Variants in ZFP64 observed in about 807,000 individuals in gnomAD.
ZFP64 encodes zinc finger protein 64.
In ZFP64, 14 loss-of-function variants were observed where a neutral mutation model predicts 51.6. The ratio of observed to expected loss-of-function variants is 0.27; its 90% CI spans 0.18 to 0.42. The LOEUF (loss-of-function observed/expected upper bound fraction) is 0.42. ZFP64 is among the 10% of genes least tolerant of loss of function. The probability of loss-of-function intolerance (pLI) is 1.00; values close to 1 mark genes in which losing one functional copy is unlikely to be tolerated. For missense variants in ZFP64, 754 were observed against 906.8 expected (o/e 0.83, Z 2.16); for synonymous variants, 375 against 361.4 (o/e 1.04, Z -0.43).
At chr20:52,127,987 G>A (rs903621600) in intron 5 of ZFP64, among the ~76,000 whole-genome samples, 3 of 152,140 alleles carry the variant, frequency 2.0e-5, no homozygotes, top group Non-Finnish European at 4.4e-5. Flanking sequence ...TGGGTTCACT[G>A]TGGCTCTGTG....
chr20:52,148,762 A>G (rs555323701), downstream of ZFP64, among the ~76,000 whole-genome samples: 1 of 152,184 alleles, frequency 6.6e-6, no homozygotes, highest in Non-Finnish European at 1.5e-5. Context: ...AAAACAAATA[A>G]GCAAGCAGTA....
At chr20:52,180,974 T>G (rs1362819612) in intron 2 of ZFP64, among the ~76,000 whole-genome samples, 1 of 152,106 alleles carries the variant, frequency 6.6e-6, no homozygotes, top group Non-Finnish European at 1.5e-5. Context: ...TCGCCCAGGC[T>G]GGAATGCAAT....
chr20:52,184,467 TC>T (rs1473765945), intron 2 of ZFP64, among the ~76,000 whole-genome samples: 3 of 152,164 alleles, frequency 2.0e-5, no homozygotes, highest in African/African-American at 7.2e-5. Flanking sequence ...TCTAGAAACT[TC>T]CCTGGAATAT....
downstream of ZFP64, among the ~76,000 whole-genome samples, chr20:52,146,400 T>C (rs1457340757): frequency 1.6e-5 from 1 of 63,586 alleles, no homozygotes. Context: ...TATGCAGCCA[T>C]AAAAAATGAT....
intron 2 of ZFP64, among the ~76,000 whole-genome samples, chr20:52,174,063 A>G (rs1036385588): frequency 6.6e-6 from 1 of 152,210 alleles, no homozygotes; most frequent in Non-Finnish European, 1.5e-5. Context: ...TTAAGTGAGG[A>G]CAGACCCTTG....
intron 2 of ZFP64, chr20:52,175,819 T>G: frequency 1.1e-5 from 8 of 739,216 alleles, no homozygotes; most frequent in Non-Finnish European, 1.3e-5. Context: ...CCAGCCTGGG[T>G]GGCAGAGTGA....
intron 5 of ZFP64, among the ~76,000 whole-genome samples, chr20:52,102,906 G>A (rs954668070): frequency 2.0e-5 from 3 of 152,186 alleles, no homozygotes; most frequent in Non-Finnish European, 2.9e-5. Flanking sequence ...ATATACACAC[G>A]TAAGATTCTA....
chr20:52,105,883 A>C (rs560499463), intron 5 of ZFP64, among the ~76,000 whole-genome samples: 1 of 152,134 alleles, frequency 6.6e-6, no homozygotes, highest in South Asian at 2.1e-4. Flanking sequence ...CACCACCCCC[A>C]TCACACACAC....
intron 5 of ZFP64, among the ~76,000 whole-genome samples, chr20:52,158,930 C>A (rs1301441772): frequency 6.6e-6 from 1 of 152,178 alleles, no homozygotes; most frequent in African/African-American, 2.4e-5. Flanking sequence ...TGCACCTCTG[C>A]CATCCTCATG....
chr20:52,105,474 TC>T lies in ZFP64; in HGVS notation c.764-6888del, dbSNP rs919532905. 3 of 699,988 alleles carry T rather than the reference TC, an allele frequency of 4.3e-6. No individual in the cohort carries two copies. In the African/African-American group the frequency reaches 5.6e-5, roughly 13 times the overall value. The allele number at this position is 699,988 out of a possible 1,614,324, so 43.4% of individuals were successfully genotyped here. ...CGGGCAGCCCGCGCCACCTGGGAGC[TC>T]GTTAGAAATGCAGACTCTCGGGCTC... is the stretch of plus-strand genomic sequence containing the variant. On this transcript the variant is annotated intron_variant, in intron 5 of 8. Coordinates refer to the ZFP64 transcript ENST00000361387.
intron 5 of ZFP64, among the ~76,000 whole-genome samples, chr20:52,100,147 G>A (rs1178984793): frequency 3.9e-5 from 6 of 152,054 alleles, no homozygotes; most frequent in Non-Finnish European, 7.4e-5. Context: ...CCACCACCAT[G>A]CCCGGCTAAT....
At chr20:52,187,534 A>C (rs1984059787) in intron 1 of ZFP64, among the ~76,000 whole-genome samples, 2 of 152,140 alleles carry the variant, frequency 1.3e-5, no homozygotes. Context: ...AGGCAGGAGA[A>C]TCACTTGAAC....
At chr20:52,187,704 T>C (rs1408408730) in intron 1 of ZFP64, among the ~76,000 whole-genome samples, 6 of 152,110 alleles carry the variant, frequency 3.9e-5, no homozygotes, top group African/African-American at 1.2e-4. Flanking sequence ...AGTCTTGTAT[T>C]ATTTAACTTG....
chr20:52,158,787 C>T (rs551009061), intron 5 of ZFP64, among the ~76,000 whole-genome samples: 1 of 152,320 alleles, frequency 6.6e-6, no homozygotes, highest in South Asian at 2.1e-4. Flanking sequence ...ACTGTGATGA[C>T]CTCTCACTGT....
At chr20:52,122,541 C>T (rs1409025098) in intron 5 of ZFP64, among the ~76,000 whole-genome samples, 2 of 151,148 alleles carry the variant, frequency 1.3e-5, no homozygotes, top group African/African-American at 4.9e-5. Flanking sequence ...TTTTATAAGA[C>T]TGTAGCTGCC....
At chr20:52,099,197 T>C (rs558114729) in intron 5 of ZFP64, among the ~76,000 whole-genome samples, 12 of 152,042 alleles carry the variant, frequency 7.9e-5, no homozygotes, top group Admixed American at 2.0e-4. Flanking sequence ...CAATTTCTAA[T>C]CCATCCCAGG....
intron 2 of ZFP64, among the ~76,000 whole-genome samples, chr20:52,173,241 A>G (rs747857726): frequency 2.0e-5 from 3 of 152,206 alleles, no homozygotes; most frequent in Non-Finnish European, 4.4e-5. Flanking sequence ...TTTGCAAAAT[A>G]AAAGTTAACA....
At chr20:52,164,864 G>A (rs879696211) in intron 3 of ZFP64, 107 bp from the exon 4 acceptor site, 10 of 872,866 alleles carry the variant, frequency 1.1e-5, no homozygotes, top group African/African-American at 6.6e-5. Flanking sequence ...TTAACACCAC[G>A]GTAATGGGAA....
chr20:52,109,908 A>G (rs111549074), intron 5 of ZFP64, among the ~76,000 whole-genome samples: 12 of 152,158 alleles, frequency 7.9e-5, no homozygotes, highest in African/African-American at 2.9e-4. Context: ...AATCATGGCC[A>G]AACATGCATT....
Sources: allele counts gnomAD v4.1 joint callset (sites outside exome capture counted in the v4.1 genomes callset), GRCh38; gene constraint gnomAD v4.1.1; transcripts MANE v1.5; gene names NCBI Gene and HGNC (gene_info 2026-07-23, HGNC 2026-07-21).